CDA: variants seen among roughly 807,000 people sequenced by gnomAD.
CDA encodes the protein cytidine aminohydrolase.
CDA carries 7 observed loss-of-function variants against 15.0 expected under a neutral mutation model. The ratio of observed to expected loss-of-function variants is 0.47; its 90% CI spans 0.26 to 0.87. The LOEUF (loss-of-function observed/expected upper bound fraction) is 0.87, where lower values mean the gene tolerates loss of function less well. Among genes scored for constraint, CDA ranks in the 40% least tolerant of loss-of-function variants. The pLI is 0.15. For missense variants in CDA, 159 were observed against 182.7 expected (o/e 0.87, Z 0.75); for synonymous variants, 58 against 73.0 (o/e 0.79, Z 1.05).
chr1:20,593,948 G>A (rs2052570182), intron 1 of CDA, among the ~76,000 whole-genome samples: 1 of 152,172 alleles, frequency 6.6e-6, no homozygotes, highest in South Asian at 2.1e-4. Context: ...CAGTAAGTTG[G>A]GGCTTGGAGC....
chr1:20,604,066 C>T (rs974898138), intron 1 of CDA, among the ~76,000 whole-genome samples: 4 of 152,060 alleles, frequency 2.6e-5, no homozygotes, highest in Non-Finnish European at 4.4e-5. Context: ...TAATTGATTT[C>T]GTTGTTAGTT....
chr1:20,606,956 C>T (rs1028345847), intron 2 of CDA, among the ~76,000 whole-genome samples: 1 of 152,120 alleles, frequency 6.6e-6, no homozygotes, highest in Non-Finnish European at 1.5e-5. Flanking sequence ...GTTAATGATG[C>T]AAGAAAAATG....
chr1:20,616,016 C>T (rs1244767169), intron 3 of CDA, among the ~76,000 whole-genome samples: 1 of 152,052 alleles, frequency 6.6e-6, no homozygotes, highest in South Asian at 2.1e-4. Flanking sequence ...AAATACATAC[C>T]TACAGCATCT....
chr1:20,603,930 C>T (rs1431149120), intron 1 of CDA, among the ~76,000 whole-genome samples: 1 of 152,198 alleles, frequency 6.6e-6, no homozygotes, highest in African/African-American at 2.4e-5. Flanking sequence ...ACAGGAAGGA[C>T]TCCCTTACTG....
At position 20,608,630 on chromosome 1, in the gene CDA, G is replaced by C. The variant is rs190527077; in HGVS notation, c.266+3591G>C. Among the ~76,000 whole-genome samples, 130 of 152,272 alleles carry C rather than the reference G, an allele frequency of 8.5e-4. 1 individual carries two copies. Among genetic ancestry groups the C allele is most frequent in the African/African-American group, 3.0e-3 (123 of 41,564 alleles). Reference sequence around the variant, plus strand: ...TCACCACGTTGACCAAGCTGGTCTCGAACTTCTGGCCTCAAGTGATCTGCC... The same window carrying C: ...TCACCACGTTGACCAAGCTGGTCTCCAACTTCTGGCCTCAAGTGATCTGCC... On this transcript the variant is annotated intron_variant, in intron 2 of 3. Transcript: ENST00000375071.
At chr1:20,614,779 G>A (rs1315257335) in intron 3 of CDA, among the ~76,000 whole-genome samples, 3 of 152,238 alleles carry the variant, frequency 2.0e-5, no homozygotes, top group Non-Finnish European at 4.4e-5. Flanking sequence ...TGAAGTCAGA[G>A]GGGTGGGCAG....
chr1:20,608,837 G>A (rs1399578443), intron 2 of CDA, among the ~76,000 whole-genome samples: 3 of 152,158 alleles, frequency 2.0e-5, no homozygotes, highest in Non-Finnish European at 4.4e-5. Flanking sequence ...GTGGCCTTGG[G>A]CAAGTCGTTT....
chr1:20,603,047 C>T (rs368868474), intron 1 of CDA, among the ~76,000 whole-genome samples: 9 of 152,230 alleles, frequency 5.9e-5, no homozygotes, highest in Admixed American at 5.2e-4. Context: ...GTGGGTACCA[C>T]GGCCTGCCTT....
At chr1:20,611,913 A>C (rs1358884092) in intron 2 of CDA, among the ~76,000 whole-genome samples, 2 of 152,106 alleles carry the variant, frequency 1.3e-5, no homozygotes, top group South Asian at 2.1e-4. Flanking sequence ...CCCAGGCTGG[A>C]GTGCGGTGGC....
intron 1 of CDA, among the ~76,000 whole-genome samples, chr1:20,599,491 C>T (rs1252163727): frequency 2.0e-5 from 3 of 151,908 alleles, no homozygotes; most frequent in African/African-American, 7.3e-5. Context: ...GTGGCACGCA[C>T]CTGTAGTCCT....
intron 1 of CDA, among the ~76,000 whole-genome samples, chr1:20,603,785 C>T (rs752522320): frequency 6.6e-6 from 1 of 152,232 alleles, no homozygotes; most frequent in Non-Finnish European, 1.5e-5. Flanking sequence ...GAAAACCCAG[C>T]TCCCATAGTG....
At chr1:20,598,956 T>C (rs908754580) in intron 1 of CDA, among the ~76,000 whole-genome samples, 1 of 152,190 alleles carries the variant, frequency 6.6e-6, no homozygotes, top group Non-Finnish European at 1.5e-5. Flanking sequence ...AGGAATTAGA[T>C]AATAAAGACA....
rs533339520 is a variant in CDA, at chr1:20,597,753, C to T, written c.155-7175C>T. ...TCTCTCATGTATGTTTTGAAGTAAG[C>T]AAAGGCAATAGCAGAAACAGAATTG... On this transcript the variant is annotated intron_variant, in intron 1 of 3. Coordinates refer to ENST00000375071, the MANE Select transcript of CDA (RefSeq NM_001785.3). Among the ~76,000 whole-genome samples, 96 of 152,306 alleles carry T rather than the reference C, an allele frequency of 6.3e-4. 1 individual carries two copies. Among genetic ancestry groups the T allele is most frequent in the African/African-American group, 2.1e-3 (89 of 41,566 alleles).
intron 1 of CDA, among the ~76,000 whole-genome samples, chr1:20,594,384 G>A (rs1441155153): frequency 2.6e-5 from 4 of 152,048 alleles, no homozygotes; most frequent in Non-Finnish European, 5.9e-5. Flanking sequence ...AGAGCCGAGG[G>A]AGAGGTACAG....
intron 3 of CDA, among the ~76,000 whole-genome samples, chr1:20,617,584 T>C (rs2052825950): frequency 6.6e-6 from 1 of 152,218 alleles, no homozygotes; most frequent in Admixed American, 6.5e-5. Flanking sequence ...CTCTCTTGCC[T>C]GTTGCCAGGT....
intron 1 of CDA, among the ~76,000 whole-genome samples, chr1:20,604,585 A>G (rs1470554060): frequency 6.6e-6 from 1 of 151,942 alleles, no homozygotes; most frequent in South Asian, 2.1e-4. Context: ...TGGGGGCTCT[A>G]CTTATTTTTG....
chr1:20,595,339 T>C (rs1570376610), intron 1 of CDA, among the ~76,000 whole-genome samples: 2 of 133,214 alleles, frequency 1.5e-5, no homozygotes, highest in Admixed American at 8.0e-5. Context: ...TCTTCCATTT[T>C]CCCTCAAACC....
chr1:20,605,188 T>G, intron 2 of CDA, 149 bp downstream of exon 2: 2 of 698,870 alleles, frequency 2.9e-6, no homozygotes, highest in Non-Finnish European at 5.2e-6. Context: ...CTGGGATGAG[T>G]GCTGAGGATA....
In CDA at chr1:20,600,582, C is replaced by T. The variant is rs553033557; in HGVS notation, c.155-4346C>T. Among the ~76,000 whole-genome samples the T allele has an allele frequency of 1.6e-4, 24 of 151,990 alleles. 2 individuals carry two copies. In the East Asian group the frequency reaches 3.7e-3, roughly 23 times the overall value. On this transcript the variant is annotated intron_variant, in intron 1 of 3. Coordinates refer to ENST00000375071, the MANE Select transcript of CDA (RefSeq NM_001785.3). ...ACCAGCCTGAACAACATGGTGAAAC[C>T]CCATCTTCACTAAAAATTAAAAAAT...
Sources: gnomAD v4.1 joint callset for allele counts (sites outside exome capture counted in the v4.1 genomes callset) on GRCh38, gnomAD v4.1.1 for gene constraint, MANE v1.5 for transcripts, NCBI Gene and HGNC (gene_info 2026-07-23, HGNC 2026-07-21) for gene names.